PCDHGA1: variants seen among roughly 807,000 people sequenced by gnomAD.
The protein encoded by PCDHGA1 is protocadherin gamma-A1.
In PCDHGA1, 32 loss-of-function variants were observed where a neutral mutation model predicts 58.0. That is an observed-to-expected ratio of 0.55 (90% CI 0.42 to 0.74). The LOEUF is 0.74. Ranked by LOEUF, PCDHGA1 falls within the 30% of genes least tolerant of loss-of-function variation. The pLI, the probability that PCDHGA1 is intolerant of heterozygous loss-of-function variation, is 0.00. For synonymous variants in PCDHGA1, 498 were observed against 501.1 expected, an observed-to-expected ratio of 0.99 and a Z score of 0.08; for missense variants, 1,205 against 1,182.3, an observed-to-expected ratio of 1.02 and a Z score of -0.28.
intron 1 of PCDHGA1, among the ~76,000 whole-genome samples, chr5:141,451,630 C>T (rs899343801): frequency 2.0e-5 from 3 of 152,132 alleles, no homozygotes; most frequent in Non-Finnish European, 2.9e-5. Flanking sequence ...ACCTGTAATT[C>T]CAGCACTCTG....
chr5:141,331,558 T>A lies in PCDHGA1; in HGVS notation c.874T>A (p.Phe292Ile). Residue 292 changes from phenylalanine to isoleucine, a missense_variant, in exon 1 of 4, where the codon TTT becomes ATT. Physicochemically the swap from Phe to Ile is conservative, Grantham distance 21 (BLOSUM62 0). Coordinates refer to ENST00000517417, the MANE Select transcript of PCDHGA1 (RefSeq NM_018912.3). ...TGTAGACCACAGAGTGGCCCAAATA[T>A]TTCGTTTAGATTCTTACACAGGAGA... ...HNVDHRVAQIFRLDSYTGEIS... is the reference protein window; with the variant it reads ...HNVDHRVAQIIRLDSYTGEIS... The A allele has an allele frequency of 6.2e-7, 1 of 1,614,150 alleles. No homozygotes were observed. Among genetic ancestry groups the A allele is most frequent in the Non-Finnish European group, 8.5e-7 (1 of 1,180,040 alleles).
chr5:141,350,282 G>A lies in PCDHGA1; in HGVS notation c.2421+17177G>A, dbSNP rs199858823. The A allele has an allele frequency of 1.4e-4, 219 of 1,511,982 alleles. No homozygotes were observed. The highest frequency in any genetic ancestry group is 1.8e-4 in the Non-Finnish European group (209 of 1,131,720). 93.7% of individuals were successfully genotyped at this position (1,511,982 alleles called of 1,614,324 possible). A position where few individuals can be genotyped will look rare whatever the true frequency, so the allele number is the denominator to read the frequency against. On this transcript the variant is annotated intron_variant, in intron 1 of 3. Transcript: ENST00000517417. The stretch of plus-strand genomic sequence containing the variant: ...TGAAATGCAGAGAGCCAGAGAAGCC[G>A]AAATGATGAAAAGTCAGGTACTGTT...
At chr5:141,460,724 A>C (rs1294708205) in intron 1 of PCDHGA1, among the ~76,000 whole-genome samples, 1 of 152,114 alleles carries the variant, frequency 6.6e-6, no homozygotes, top group African/African-American at 2.4e-5. Context: ...TGTTATAAGC[A>C]TATATACACA....
Position 141,422,537 on chromosome 5 carries a change from C to T in PCDHGA1, c.2422-72270C>T, listed in dbSNP as rs993210917. 2.5e-6 allele frequency: 4 copies of T among 1,613,874 alleles called. No individual in the cohort carries two copies. Among genetic ancestry groups the T allele is most frequent in the Non-Finnish European group, 3.4e-6 (4 of 1,179,894 alleles). ...GGAAGCCCGCCTTTGTCTGCAGAAA[C>T]TCATGTCTGGCTGAATGTGGCAGAT... is the stretch of plus-strand genomic sequence containing the variant. On this transcript the variant is annotated intron_variant, in intron 1 of 3. Coordinates refer to ENST00000517417, the MANE Select transcript of PCDHGA1 (RefSeq NM_018912.3).
intron 1 of PCDHGA1, chr5:141,352,144 G>A: frequency 6.2e-7 from 1 of 1,612,258 alleles, no homozygotes; most frequent in East Asian, 2.2e-5. Context: ...CGCGTGCCTT[G>A]GGCGACAGGG....
chr5:141,399,660 C>T (rs988885728), intron 1 of PCDHGA1: 2 of 1,613,654 alleles, frequency 1.2e-6, no homozygotes, highest in East Asian at 2.2e-5. Context: ...GGGTGGTGTT[C>T]GCGCAGCGCG....
intron 1 of PCDHGA1, among the ~76,000 whole-genome samples, chr5:141,379,981 C>A (rs968805615): frequency 1.5e-5 from 2 of 135,234 alleles, no homozygotes; most frequent in East Asian, 5.0e-4. Flanking sequence ...CTCACTGCAA[C>A]TTCCTCCTCC....
intron 1 of PCDHGA1, among the ~76,000 whole-genome samples, chr5:141,443,728 C>A (rs1434984241): frequency 1.3e-5 from 2 of 152,060 alleles, no homozygotes; most frequent in African/African-American, 2.4e-5. Flanking sequence ...ATTCCTCATA[C>A]ATTTCCCTAT....
intron 1 of PCDHGA1, chr5:141,378,251 G>A (rs780385993): frequency 6.6e-6 from 1 of 152,234 alleles, no homozygotes; most frequent in Non-Finnish European, 1.5e-5. Flanking sequence ...ATGGCCGGGT[G>A]CGGTGGCTCA....
chr5:141,507,578 C>T (rs1268451710), intron 3 of PCDHGA1, among the ~76,000 whole-genome samples: 1 of 152,220 alleles, frequency 6.6e-6, no homozygotes, highest in East Asian at 1.9e-4. Context: ...GAGGAGATGC[C>T]AAGTTGGCCT....
chr5:141,377,605 C>CAAAAAA (rs71576112), intron 1 of PCDHGA1: 1 of 140,678 alleles, frequency 7.1e-6, no homozygotes. Flanking sequence ...CTCTCTCTCT[C>CAAAAAA]AAAAAAAAAA....
intron 1 of PCDHGA1, chr5:141,418,660 T>C (rs1377720154): frequency 6.2e-7 from 1 of 1,614,024 alleles, no homozygotes; most frequent in Admixed American, 1.7e-5. Context: ...TGAAGGCCAC[T>C]GACCAGGACG....
intron 1 of PCDHGA1, among the ~76,000 whole-genome samples, chr5:141,354,461 AT>A (rs1759548811): frequency 6.6e-6 from 1 of 152,206 alleles, no homozygotes; most frequent in Admixed American, 6.5e-5. Flanking sequence ...TGTCAATCTC[AT>A]TTGTACAGGG....
Position 141,502,485 on chromosome 5 carries a change from G to A in PCDHGA1, c.2481-2908G>A, listed in dbSNP as rs187600890. ...AATACTTCCCGCAGCATCACACTGG[G>A]ACTCATCTAACGTCGGCCTGTCCCA... On this transcript the variant is annotated intron_variant, in intron 2 of 3. Coordinates refer to ENST00000517417, the MANE Select transcript of PCDHGA1 (RefSeq NM_018912.3). 8.4e-3 allele frequency among the ~76,000 whole-genome samples: 1,276 copies of A among 152,270 alleles called. 22 individuals carry two copies. Among genetic ancestry groups the A allele is most frequent in the African/African-American group, 0.028 (1,151 of 41,542 alleles).
chr5:141,394,700 G>A (rs775789970), intron 1 of PCDHGA1: 1 of 1,613,138 alleles, frequency 6.2e-7, no homozygotes, highest in Non-Finnish European at 8.5e-7. Flanking sequence ...TGCGCACGGC[G>A]CGAGCCCTGC....
Position 141,462,050 on chromosome 5 carries a change from C to T in PCDHGA1, c.2422-32757C>T, listed in dbSNP as rs146056741. On this transcript the variant is annotated intron_variant, in intron 1 of 3. Coordinates refer to ENST00000517417, the MANE Select transcript of PCDHGA1 (RefSeq NM_018912.3). ...GTTGGTCAGGCGGGTCTTGAACTCC[C>T]GACCTCAGGTGATCTGCCCGCCTTG... is the stretch of plus-strand genomic sequence containing the variant. 5.5e-3 allele frequency among the ~76,000 whole-genome samples: 830 copies of T among 151,978 alleles called. 23 individuals are homozygous for T. The East Asian group carries it at 0.095, about 17-fold the overall frequency.
In PCDHGA1 at chr5:141,339,827, G is replaced by A. The variant is rs765909769; in HGVS notation, c.2421+6722G>A. The A allele has an allele frequency of 9.3e-6, 15 of 1,614,052 alleles. No homozygotes were observed. In the East Asian group the frequency reaches 2.2e-4, roughly 24 times the overall value. ...GGTATATTTTCTAGAGAAAAGCCCT[G>A]GAGAAACCTCAGAGGTATTTGAGCT... On this transcript the variant is annotated intron_variant, in intron 1 of 3. Transcript: ENST00000517417.
chr5:141,415,515 G>A (rs752258863), intron 1 of PCDHGA1: 5 of 1,614,152 alleles, frequency 3.1e-6, no homozygotes, highest in South Asian at 1.1e-5. Flanking sequence ...CCAATTATGC[G>A]GACACGCTCA....
chr5:141,400,198 G>A (rs559051247), intron 1 of PCDHGA1: 4 of 1,613,926 alleles, frequency 2.5e-6, no homozygotes, highest in Non-Finnish European at 2.5e-6. Flanking sequence ...CCTAGTGGTG[G>A]CCTTGGCCTT....
Sources: allele counts gnomAD v4.1 joint callset (sites outside exome capture counted in the v4.1 genomes callset), GRCh38; gene constraint gnomAD v4.1.1; transcripts MANE v1.5; gene names NCBI Gene and HGNC (gene_info 2026-07-23, HGNC 2026-07-21).